Variants in SYNRG observed in about 807,000 individuals in gnomAD.
The protein encoded by SYNRG is synergin gamma, also known as AP1 gamma subunit binding protein 1.
Under a neutral mutation model 130.9 loss-of-function variants are expected in SYNRG, and 37 were observed. That is an observed-to-expected ratio of 0.28 (90% confidence interval 0.22 to 0.37). The LOEUF (loss-of-function observed/expected upper bound fraction) is 0.37, where lower values mean the gene tolerates loss of function less well. Ranked by LOEUF, SYNRG falls within the 10% of genes least tolerant of loss-of-function variation. SYNRG has a pLI of 1.00. For synonymous variants in SYNRG, 539 were observed against 568.1 expected (o/e 0.95, Z 0.73); for missense variants, 1,338 against 1,588.9 (o/e 0.84, Z 2.68).
chr17:37,564,484 T>G (rs2059772823), intron 11 of SYNRG, among the ~76,000 whole-genome samples: 1 of 152,262 alleles, frequency 6.6e-6, no homozygotes, highest in Non-Finnish European at 1.5e-5. Context: ...GTGCCACTTC[T>G]TACTCATAAA....
At chr17:37,599,674 CTG>C (rs1369861588) in intron 2 of SYNRG, among the ~76,000 whole-genome samples, 1 of 152,170 alleles carries the variant, frequency 6.6e-6, no homozygotes, top group Non-Finnish European at 1.5e-5. Flanking sequence ...TAAGCTATGA[CTG>C]TGCCACTTAT....
At chr17:37,601,216 C>T (rs1257193324) in intron 1 of SYNRG, among the ~76,000 whole-genome samples, 9 of 151,942 alleles carry the variant, frequency 5.9e-5, no homozygotes, top group African/African-American at 1.2e-4. Flanking sequence ...TACAGGCACC[C>T]GCCACCACGA....
intron 19 of SYNRG, among the ~76,000 whole-genome samples, chr17:37,526,752 C>T (rs2055972562): frequency 1.3e-5 from 2 of 152,182 alleles, no homozygotes; most frequent in South Asian, 4.1e-4. Context: ...CTTTTTCTCA[C>T]TCTTCCCCTC....
intron 3 of SYNRG, among the ~76,000 whole-genome samples, chr17:37,589,616 G>C (rs1029227645): frequency 5.9e-5 from 9 of 152,172 alleles, no homozygotes; most frequent in African/African-American, 2.2e-4. Context: ...GGGCGTGGTG[G>C]CGGGCGCCTG....
chr17:37,519,540 CGA>C (rs1406942521), intron 21 of SYNRG, among the ~76,000 whole-genome samples: 3 of 151,952 alleles, frequency 2.0e-5, no homozygotes, highest in East Asian at 1.9e-4. Context: ...AGTTAGAAAA[CGA>C]GAGAGTTAGA....
intron 8 of SYNRG, among the ~76,000 whole-genome samples, chr17:37,574,742 A>T (rs902824336): frequency 4.6e-5 from 7 of 152,108 alleles, no homozygotes; most frequent in Non-Finnish European, 8.8e-5. Flanking sequence ...TATCCAAAAG[A>T]CAGGCAATAA....
chr17:37,572,864 A>G (rs776602867), intron 8 of SYNRG, among the ~76,000 whole-genome samples: 1 of 152,232 alleles, frequency 6.6e-6, no homozygotes, highest in Non-Finnish European at 1.5e-5. Context: ...AAATGTTGTT[A>G]GATACAGGGC....
intron 15 of SYNRG, chr17:37,541,725 G>A (rs962607564): frequency 3.8e-5 from 21 of 555,672 alleles, no homozygotes; most frequent in Admixed American, 6.3e-5. Flanking sequence ...CTAACCAAAC[G>A]AGCTAATGAG....
intron 19 of SYNRG, among the ~76,000 whole-genome samples, chr17:37,535,482 C>G (rs1373908870): frequency 6.6e-6 from 1 of 152,180 alleles, no homozygotes; most frequent in African/African-American, 2.4e-5. Context: ...CCTCCTAGTT[C>G]ACTTGGAGGA....
rs1481852136 is a variant in SYNRG, at chr17:37,550,949, C to CA, written c.2608+2165dup. ...GTTGAAATTATATGCAGCAAGGCCT[C>CA]AAAGGGTTAAATGTAATAATACGCA... On this transcript the variant is annotated intron_variant, in intron 14 of 21. Coordinates refer to ENST00000612223, the MANE Select transcript of SYNRG (RefSeq NM_007247.6). 2.6e-5 allele frequency among the ~76,000 whole-genome samples: 4 copies of CA among 152,266 alleles called. No individual in the cohort carries two copies. The East Asian group carries it at 7.7e-4, about 29-fold the overall frequency.
chr17:37,602,040 A>G (rs558293393), intron 1 of SYNRG, among the ~76,000 whole-genome samples: 48 of 152,118 alleles, frequency 3.2e-4, no homozygotes, highest in African/African-American at 1.2e-3. Flanking sequence ...ATAAAGGTTA[A>G]AAAGTTAAGC....
intron 14 of SYNRG, among the ~76,000 whole-genome samples, chr17:37,552,873 A>C (rs2058812109): frequency 6.6e-6 from 1 of 152,254 alleles, no homozygotes; most frequent in South Asian, 2.1e-4. Flanking sequence ...AGCTGGTGCT[A>C]GATTTCAAAA....
At chr17:37,591,799 A>G (rs2062217540) in intron 3 of SYNRG, among the ~76,000 whole-genome samples, 1 of 152,244 alleles carries the variant, frequency 6.6e-6, no homozygotes, top group Non-Finnish European at 1.5e-5. Context: ...CTTAGATCTT[A>G]CACAAAAATT....
intron 6 of SYNRG, among the ~76,000 whole-genome samples, chr17:37,578,239 G>T (rs549967110): frequency 1.6e-4 from 24 of 151,910 alleles, no homozygotes; most frequent in Non-Finnish European, 2.9e-4. Flanking sequence ...GCTGAGGCAG[G>T]AGAATCACTT....
chr17:37,564,471 A>G (rs995067160), intron 11 of SYNRG, among the ~76,000 whole-genome samples: 3 of 152,234 alleles, frequency 2.0e-5, no homozygotes, highest in African/African-American at 7.2e-5. Context: ...AATCACTTTC[A>G]TTGTGCCACT....
chr17:37,595,945 G>A (rs886688327), intron 3 of SYNRG, among the ~76,000 whole-genome samples: 1 of 152,130 alleles, frequency 6.6e-6, no homozygotes, highest in African/African-American at 2.4e-5. Context: ...AGTAGAAACA[G>A]GGATTCACCA....
rs538485261 is a variant in SYNRG at position 37,560,213 on chromosome 17, C to T, written c.1663+982G>A. Among the ~76,000 whole-genome samples the T allele has an allele frequency of 2.6e-5, 4 of 151,218 alleles. No homozygotes were observed. In the East Asian group the frequency reaches 7.9e-4, roughly 30 times the overall value. ...GGCATGAGCCACTGTGCCTGGTATG[C>T]CCTAAATTTTAGAAAATAAATAATT... On this transcript the variant is annotated intron_variant, in intron 13 of 21. Transcript: ENST00000612223.
chr17:37,571,920 G>A lies in SYNRG; in HGVS notation c.969C>T (p.Pro323=), dbSNP rs1485749728. The change falls in exon 9 of 22, where the codon CCC becomes CCT. Residue 323 remains proline, a synonymous_variant. Coordinates refer to ENST00000612223, the MANE Select transcript of SYNRG (RefSeq NM_007247.6). ...TGGGAAGCCCAGATGACATCAGAATGGGATACAGTTTGGCAGTATCTATTC... is the reference window on the plus strand; with the variant it reads ...TGGGAAGCCCAGATGACATCAGAATAGGATACAGTTTGGCAGTATCTATTC... ...PTGIDTAKLY[P]ILMSSGLPRE... 1 of 1,614,052 alleles carries A rather than the reference G, an allele frequency of 6.2e-7. No individual in the cohort carries two copies. Among genetic ancestry groups the A allele is most frequent in the African/African-American group, 1.3e-5 (1 of 74,918 alleles).
chr17:37,562,430 G>GGGT (rs1308719488), intron 11 of SYNRG, among the ~76,000 whole-genome samples: 1 of 151,708 alleles, frequency 6.6e-6, no homozygotes, highest in African/African-American at 2.4e-5. Context: ...TCAGACCCAG[G>GGGT]CAGCTCCCTG....
Sources: allele counts gnomAD v4.1 joint callset (sites outside exome capture counted in the v4.1 genomes callset), GRCh38; gene constraint gnomAD v4.1.1; transcripts MANE v1.5; gene names NCBI Gene and HGNC (gene_info 2026-07-23, HGNC 2026-07-21).